LMTK2: variants seen among roughly 807,000 people sequenced by gnomAD.
LMTK2 encodes the protein lemur tail kinase 2.
LMTK2 carries 37 observed loss-of-function variants against 127.5 expected under a neutral mutation model. The ratio of observed to expected loss-of-function variants is 0.29; its 90% CI spans 0.22 to 0.38. The LOEUF (loss-of-function observed/expected upper bound fraction) is 0.38. LMTK2 is among the 10% of genes least tolerant of loss of function. The pLI is 1.00. For missense variants in LMTK2, 1,694 were observed against 1,920.3 expected (o/e 0.88, Z 2.20); for synonymous variants, 819 against 810.1 (o/e 1.01, Z -0.19).
intron 3 of LMTK2, among the ~76,000 whole-genome samples, chr7:98,143,210 G>A (rs1347423154): frequency 2.0e-5 from 3 of 152,100 alleles, no homozygotes; most frequent in Non-Finnish European, 2.9e-5. Context: ...ATCCCTCTCC[G>A]TAGGAAGAAA....
chr7:98,137,331 T>C lies in LMTK2; in HGVS notation c.120T>C (p.Ala40=), dbSNP rs1584255944. ...PQTGAGEAPP[A]AEVSSSFVIL... ...TCTTTCCAGGGGAGGCGCCACCTGC[T>C]GCAGAAGTTTCCTCATCTTTTGTGA... Residue 40 remains alanine (A), a synonymous_variant, in exon 2 of 14, where the codon GCT becomes GCC. Coordinates refer to ENST00000297293, the MANE Select transcript of LMTK2 (RefSeq NM_014916.4). 1 of 1,611,138 alleles carries C rather than the reference T, an allele frequency of 6.2e-7. No homozygotes were observed. Among genetic ancestry groups the C allele is most frequent in the African/African-American group, 1.3e-5 (1 of 74,898 alleles).
intron 9 of LMTK2, 97 bp downstream of exon 9, chr7:98,187,095 A>G (rs1797447165): frequency 9.0e-7 from 1 of 1,116,724 alleles, no homozygotes; most frequent in South Asian, 1.6e-5. Flanking sequence ...GTTGTATAAG[A>G]TGTAGGAACA....
chr7:98,148,623 A>G (rs1025354794), intron 3 of LMTK2, among the ~76,000 whole-genome samples: 7 of 152,154 alleles, frequency 4.6e-5, no homozygotes, highest in African/African-American at 1.4e-4. Context: ...GAATGGGCCA[A>G]TTTTTGTTTC....
rs1584235018 is a variant in LMTK2, at chr7:98,106,898, G to A, written c.-280G>A. The A allele has an allele frequency of 2.3e-6, 1 of 443,846 alleles. No individual in the cohort carries two copies. The highest frequency in any genetic ancestry group is 4.0e-6 in the Non-Finnish European group (1 of 250,916). 27.5% of individuals were successfully genotyped at this position (443,846 alleles called of 1,614,324 possible). On this transcript the variant is annotated 5_prime_UTR_variant, in exon 1 of 14. Coordinates refer to ENST00000297293, the MANE Select transcript of LMTK2 (RefSeq NM_014916.4). Reference sequence around the variant, plus strand: ...CAGCCCATCATGGCGGCGGGAGCGCGGCTTCCCAGGCCCGCCGCTCCGCAG... The same window carrying A: ...CAGCCCATCATGGCGGCGGGAGCGCAGCTTCCCAGGCCCGCCGCTCCGCAG...
intron 6 of LMTK2, among the ~76,000 whole-genome samples, chr7:98,162,337 A>G (rs976287405): frequency 6.6e-6 from 1 of 152,240 alleles, no homozygotes; most frequent in Non-Finnish European, 1.5e-5. Flanking sequence ...ATGAAAATAT[A>G]AGAAATACAT....
chr7:98,119,091 CAAAAAAAA>C (rs11309792), intron 1 of LMTK2, among the ~76,000 whole-genome samples: 1 of 89,410 alleles, frequency 1.1e-5, no homozygotes, highest in Non-Finnish European at 2.4e-5. Flanking sequence ...GAATCCATCT[CAAAAAAAA>C]AAAAAAAAAA....
chr7:98,202,292 C>G (rs1247242370), intron 11 of LMTK2, among the ~76,000 whole-genome samples: 1 of 152,172 alleles, frequency 6.6e-6, no homozygotes, highest in Non-Finnish European at 1.5e-5. Context: ...TTCTTCTTAT[C>G]ATCTGTTCCT....
At chr7:98,165,870 C>T (rs919066985) in intron 6 of LMTK2, among the ~76,000 whole-genome samples, 3 of 152,072 alleles carry the variant, frequency 2.0e-5, no homozygotes, top group African/African-American at 7.2e-5. Flanking sequence ...GTGAGGAGAG[C>T]TGGGGGCACA....
intron 11 of LMTK2, among the ~76,000 whole-genome samples, chr7:98,202,032 CCT>C (rs1797711232): frequency 6.6e-6 from 1 of 152,152 alleles, no homozygotes; most frequent in Non-Finnish European, 1.5e-5. Context: ...TGCCCCACGC[CCT>C]GTCTCCTCTC....
Position 98,204,165 on chromosome 7 carries a change from G to T in LMTK2, c.4462G>T (p.Asp1488Tyr). ...IASFSLTHLTDSDIEQGGSSE... is the reference protein window; with the variant it reads ...IASFSLTHLTYSDIEQGGSSE... ...CAGCTTTTCCCTCACACACCTGACC[G>T]ACTCGGACATCGAGCAGGGCGGTGA... Residue 1488 changes from aspartate to tyrosine, a missense_variant, in exon 13 of 14, where the codon GAC becomes TAC. This residue lies in a region of LMTK2 where 554 missense variants were observed against 567.7 expected (regional missense o/e 0.98). Transcript: ENST00000297293. The T allele has an allele frequency of 1.2e-6, 2 of 1,608,244 alleles. No homozygotes were observed. Among genetic ancestry groups the T allele is most frequent in the Non-Finnish European group, 1.7e-6 (2 of 1,179,960 alleles).
intron 3 of LMTK2, among the ~76,000 whole-genome samples, chr7:98,144,087 T>G (rs1421825008): frequency 2.0e-5 from 3 of 152,210 alleles, no homozygotes; most frequent in East Asian, 3.8e-4. Flanking sequence ...TTTTATTTTT[T>G]GCATAGATAA....
intron 8 of LMTK2, among the ~76,000 whole-genome samples, chr7:98,186,464 A>G (rs1797435902): frequency 6.6e-6 from 1 of 152,206 alleles, no homozygotes; most frequent in Non-Finnish European, 1.5e-5. Flanking sequence ...GTAGAATCAC[A>G]TAGCTGGTAA....
rs546479032 is a variant in LMTK2 at position 98,194,001 on chromosome 7, C to T, written c.3536C>T (p.Thr1179Met). ...HNSSDLELRA[T>M]PEPAQTGVPQ... Reference sequence around the variant, plus strand: ...TCCAGTGACCTGGAATTAAGAGCCACGCCGGAGCCAGCACAGACTGGTGTT... The same window carrying T: ...TCCAGTGACCTGGAATTAAGAGCCATGCCGGAGCCAGCACAGACTGGTGTT... The change falls in exon 11 of 14, where the codon ACG becomes ATG. Residue 1179 changes from threonine (T) to methionine (M), a missense_variant. This residue lies in a region of LMTK2 where 554 missense variants were observed against 567.7 expected (regional missense o/e 0.98). Coordinates refer to ENST00000297293, the MANE Select transcript of LMTK2 (RefSeq NM_014916.4). This position sits in a 1 kb window ranked among gnomAD's most constrained non-coding sequence, Gnocchi z 5.4. 71 of 1,614,138 alleles carry T rather than the reference C, an allele frequency of 4.4e-5. No homozygotes were observed. In the East Asian group the frequency reaches 4.5e-4, roughly 10 times the overall value.
At chr7:98,184,730 GAGAAAAAAAA>G (rs1315449507) in intron 7 of LMTK2, among the ~76,000 whole-genome samples, 1 of 151,288 alleles carries the variant, frequency 6.6e-6, no homozygotes, top group Non-Finnish European at 1.5e-5. Flanking sequence ...TAAATTGAAT[GAGAAAAAAAA>G]AGAAAAGAAA....
At chr7:98,182,871 G>T (rs563120301) in intron 7 of LMTK2, among the ~76,000 whole-genome samples, 1 of 152,322 alleles carries the variant, frequency 6.6e-6, no homozygotes, top group African/African-American at 2.4e-5. Context: ...CCAATTGTCT[G>T]AATGAACTCA....
intron 2 of LMTK2, among the ~76,000 whole-genome samples, chr7:98,140,383 C>T (rs62479797): frequency 1.3e-5 from 2 of 151,612 alleles, no homozygotes; most frequent in Non-Finnish European, 2.9e-5. Flanking sequence ...AGCTCTCGGG[C>T]TCAAGTGATC....
Position 98,107,157 on chromosome 7 carries a change from C to T in LMTK2, c.-21C>T. 2 of 1,421,484 alleles carry T rather than the reference C, an allele frequency of 1.4e-6. No individual in the cohort carries two copies. The highest frequency in any genetic ancestry group is 3.0e-5 in the East Asian group (1 of 33,248). 88.1% of individuals were successfully genotyped at this position (1,421,484 alleles called of 1,614,324 possible). On this transcript the variant is annotated 5_prime_UTR_variant, in exon 1 of 14. Coordinates refer to ENST00000297293, the MANE Select transcript of LMTK2 (RefSeq NM_014916.4). Reference sequence around the variant, plus strand: ...CGGAAGGCGACTCGAGGGCCGGCCCCGGAGCCGCGCCGTGGGCGAGATGCC... The same window carrying T: ...CGGAAGGCGACTCGAGGGCCGGCCCTGGAGCCGCGCCGTGGGCGAGATGCC...
chr7:98,118,534 C>G (rs1421535496), intron 1 of LMTK2, among the ~76,000 whole-genome samples: 1 of 151,166 alleles, frequency 6.6e-6, no homozygotes, highest in Non-Finnish European at 1.5e-5. Flanking sequence ...CTTTTTTTTT[C>G]TTTTTATTAT....
In LMTK2 at chr7:98,205,743, C is replaced by T; in HGVS notation, c.*251C>T. On this transcript the variant is annotated 3_prime_UTR_variant, in exon 14 of 14. Transcript: ENST00000297293. The stretch of plus-strand genomic sequence containing the variant: ...CCGTGCACCCGCGGCCGCGGCCTCC[C>T]AGGCAGTGCTCATGCGCTGGCCGTC... 4 of 571,766 alleles carry T rather than the reference C, an allele frequency of 7.0e-6. No homozygotes were observed. Among genetic ancestry groups the T allele is most frequent in the Non-Finnish European group, 1.3e-5 (4 of 318,088 alleles). 35.4% of individuals were successfully genotyped at this position (571,766 alleles called of 1,614,324 possible). A position where few individuals can be genotyped will look rare whatever the true frequency, so the allele number is the denominator to read the frequency against.
Sources: gnomAD v4.1 joint callset for allele counts (sites outside exome capture counted in the v4.1 genomes callset) on GRCh38, gnomAD v4.1.1 for gene constraint, gnomAD v4.1.1 regional missense constraint, Gnocchi (gnomAD v3.1) non-coding constraint, MANE v1.5 for transcripts, NCBI Gene and HGNC (gene_info 2026-07-23, HGNC 2026-07-21) for gene names.